Variants in NOS1 observed in about 807,000 individuals in gnomAD.
NOS1 encodes the protein NOS type I.
NOS1 carries 51 observed loss-of-function variants against 164.5 expected under a neutral mutation model. That is an observed-to-expected ratio of 0.31 (90% CI 0.25 to 0.39). The LOEUF is 0.39. NOS1 is among the 10% of genes least tolerant of loss of function. The pLI is 1.00. For synonymous variants in NOS1, 719 were observed against 745.8 expected (o/e 0.96, Z 0.59); for missense variants, 1,362 against 1,885.6 (o/e 0.72, Z 5.14).
intron 1 of NOS1, among the ~76,000 whole-genome samples, chr12:117,352,005 AC>A (rs997531162): frequency 2.0e-5 from 3 of 152,114 alleles, no homozygotes; most frequent in South Asian, 4.2e-4. Flanking sequence ...ACATGGTGAG[AC>A]CCCGTCGCTA....
At position 117,227,546 on chromosome 12, in the gene NOS1, C is replaced by T. The variant is rs1180997892; in HGVS notation, c.3501G>A (p.Leu1167=). The change falls in exon 23 of 29, where the codon CTG becomes CTA. Residue 1167 remains leucine (L), a synonymous_variant. Coordinates refer to ENST00000317775, the MANE Select transcript of NOS1 (RefSeq NM_000620.5). ...EFPSIQMPAT[L]LLTQLSLLQP... ...GCAGCAGGGACAGCTGGGTCAGGAG[C>T]AGGGTGGCCGGCATCTGGATAGATG... The T allele has an allele frequency of 1.2e-6, 2 of 1,613,148 alleles. No homozygotes were observed. The highest frequency in any genetic ancestry group is 8.5e-7 in the Non-Finnish European group (1 of 1,179,532).
rs368153524 is a variant in NOS1, at chr12:117,313,397, C to T, written c.726-1805G>A. On this transcript the variant is annotated intron_variant, in intron 2 of 28. Coordinates refer to ENST00000317775, the MANE Select transcript of NOS1 (RefSeq NM_000620.5). ...GCAGCCTTGACCTCCTAGGCTCGAG[C>T]GATCCTCCCACCTCTGCCCCTCCAG... 1.7e-4 allele frequency among the ~76,000 whole-genome samples: 26 copies of T among 152,150 alleles called. 1 individual carries two copies. In the East Asian group the frequency reaches 4.1e-3, roughly 24 times the overall value.
intron 15 of NOS1, 65 bp downstream of exon 15, chr12:117,258,961 A>G (rs1282959777): frequency 4.3e-6 from 5 of 1,160,772 alleles, no homozygotes; most frequent in African/African-American, 3.0e-5. Context: ...AAGAGTCTCA[A>G]CCTTGGCCCC....
At chr12:117,263,572 T>TTGC (rs1303936253) in intron 13 of NOS1, among the ~76,000 whole-genome samples, 2 of 123,530 alleles carry the variant, frequency 1.6e-5, no homozygotes, top group African/African-American at 6.6e-5. Flanking sequence ...AATCAAGGTA[T>TTGC]TACTATTATT....
intron 28 of NOS1, among the ~76,000 whole-genome samples, chr12:117,215,979 G>A (rs945317705): frequency 6.8e-6 from 1 of 147,762 alleles, no homozygotes; most frequent in African/African-American, 2.5e-5. Context: ...CTAGGTTCAA[G>A]CGATTCCTGT....
chr12:117,341,365 A>G (rs1552228), intron 1 of NOS1, among the ~76,000 whole-genome samples: 15,756 of 152,186 alleles, frequency 0.1, 1,028 homozygotes, highest in Admixed American at 0.19. Flanking sequence ...GTGGTGAGTC[A>G]ACACCACTAG....
At chr12:117,269,781 C>T (rs776197036) in intron 10 of NOS1, among the ~76,000 whole-genome samples, 1 of 152,160 alleles carries the variant, frequency 6.6e-6, no homozygotes, top group Non-Finnish European at 1.5e-5. Context: ...AGCATTTTAA[C>T]AGAGATGTAG....
rs181458952 is a variant in NOS1 at position 117,324,706 on chromosome 12, A to T, written c.725+5639T>A. 2.7e-4 allele frequency among the ~76,000 whole-genome samples: 37 copies of T among 137,936 alleles called. 1 individual carries two copies. The highest frequency in any genetic ancestry group is 5.0e-4 in the African/African-American group (19 of 38,286). The allele number at this position is 137,936 out of a possible 152,430, so 90.5% of individuals were successfully genotyped here. ...ACTCCAGCCTGGGCTACAGAGCAAG[A>T]CTCTGTCTCTAAATAAATAAATAAA... On this transcript the variant is annotated intron_variant, in intron 2 of 28. Transcript: ENST00000317775.
chr12:117,332,196 G>A (rs1018924314), intron 1 of NOS1, among the ~76,000 whole-genome samples: 3 of 152,160 alleles, frequency 2.0e-5, no homozygotes, highest in African/African-American at 4.8e-5. Flanking sequence ...ATGAACATTC[G>A]TTGACTGAAG....
chr12:117,348,373 T>C (rs1876456498), intron 1 of NOS1: 1 of 152,136 alleles, frequency 6.6e-6, no homozygotes. Context: ...TTCAGCATCT[T>C]GGTGCCTCCG....
At position 117,243,308 on chromosome 12, in the gene NOS1, T is replaced by C; in HGVS notation, c.2951A>G (p.Glu984Gly). The C allele has an allele frequency of 6.2e-7, 1 of 1,614,138 alleles. No individual in the cohort carries two copies. The highest frequency in any genetic ancestry group is 8.5e-7 in the Non-Finnish European group (1 of 1,180,014). The change falls in exon 19 of 29, where the codon GAA (glutamate) becomes GGA (glycine). Residue 984 changes from glutamate to glycine, a missense_variant. Glu to Gly is a moderately conservative substitution (Grantham distance 98). Around this residue, in one of 4 missense-constraint regions of NOS1, gnomAD observed 737 missense variants for 1,030.3 expected, o/e 0.72. Coordinates refer to ENST00000317775, the MANE Select transcript of NOS1 (RefSeq NM_000620.5). The surrounding 1 kb of genome is among the most constrained non-coding windows in gnomAD (Gnocchi z 4.3). The part of the protein sequence containing the change: ...FRLTFVAEAP[E>G]LTQGLSNVHK... ...GTGGTGGGAGGTACCTTGTGTGAGT[T>C]CTGGAGCTTCGGCCACAAAGGTGAG...
At position 117,208,492 on chromosome 12, in the gene NOS1, G is replaced by T. The variant is rs1302233605; in HGVS notation, c.*6817C>A. On this transcript the variant is annotated 3_prime_UTR_variant, in exon 29 of 29. Coordinates refer to ENST00000317775, the MANE Select transcript of NOS1 (RefSeq NM_000620.5). ...CGGAACGGACACTGCGACGTGGGGT[G>T]CCCGGCACCGCTCTTTGGGCCTTCT... The T allele has an allele frequency of 4.0e-6, 5 of 1,251,732 alleles. No individual in the cohort carries two copies. Among genetic ancestry groups the T allele is most frequent in the Non-Finnish European group, 4.1e-6 (4 of 966,752 alleles). The allele number at this position is 1,251,732 out of a possible 1,614,324, so 77.5% of individuals were successfully genotyped here. A position where few individuals can be genotyped will look rare whatever the true frequency, so the allele number is the denominator to read the frequency against.
intron 3 of NOS1, among the ~76,000 whole-genome samples, chr12:117,295,658 C>G (rs1211876721): frequency 4.1e-5 from 6 of 146,754 alleles, no homozygotes. Context: ...CACTCTGTCG[C>G]CCAGGCTGAA....
At chr12:117,304,040 C>T (rs530184677) in intron 3 of NOS1, among the ~76,000 whole-genome samples, 1 of 152,188 alleles carries the variant, frequency 6.6e-6, no homozygotes, top group African/African-American at 2.4e-5. Context: ...GGCGTGGCGG[C>T]GTGCGCCTGT....
Position 117,211,919 on chromosome 12 carries a change from G to T in NOS1, c.*3390C>A. 1 of 714,372 alleles carries T rather than the reference G, an allele frequency of 1.4e-6. No individual in the cohort carries two copies. The highest frequency in any genetic ancestry group is 1.7e-6 in the Non-Finnish European group (1 of 582,846). The allele number at this position is 714,372 out of a possible 1,614,324, so 44.3% of individuals were successfully genotyped here. A position where few individuals can be genotyped will look rare whatever the true frequency, so the allele number is the denominator to read the frequency against. ...GACTCTACTAAAAATACAAAACTTA[G>T]CTGGGCGTGGTGGTAGGCGCCTGTA... On this transcript the variant is annotated 3_prime_UTR_variant, in exon 29 of 29. Transcript: ENST00000317775.
intron 1 of NOS1, among the ~76,000 whole-genome samples, chr12:117,339,613 A>G (rs1007339382): frequency 3.9e-5 from 6 of 152,240 alleles, no homozygotes; most frequent in African/African-American, 1.4e-4. Context: ...ATATCAAGAG[A>G]TTGAGAAAAT....
intron 5 of NOS1, among the ~76,000 whole-genome samples, chr12:117,286,765 G>A (rs1240099010): frequency 1.3e-5 from 2 of 152,046 alleles, no homozygotes; most frequent in Non-Finnish European, 2.9e-5. Flanking sequence ...TAGTTTCTTG[G>A]GGAATACTTC....
At chr12:117,287,626 G>A (rs1222629342) in intron 5 of NOS1, among the ~76,000 whole-genome samples, 1 of 152,080 alleles carries the variant, frequency 6.6e-6, no homozygotes, top group African/African-American at 2.4e-5. Context: ...TTTAGTAGAG[G>A]TAAGATTTCA....
chr12:117,339,687 G>T (rs1199521651), intron 1 of NOS1, among the ~76,000 whole-genome samples: 2 of 152,158 alleles, frequency 1.3e-5, no homozygotes, highest in African/African-American at 2.4e-5. Flanking sequence ...ACGGAATTCT[G>T]GGCAGGCATT....
Sources: gnomAD v4.1 joint callset for allele counts (sites outside exome capture counted in the v4.1 genomes callset) on GRCh38, gnomAD v4.1.1 for gene constraint, gnomAD v4.1.1 regional missense constraint, Gnocchi (gnomAD v3.1) non-coding constraint, MANE v1.5 for transcripts, NCBI Gene and HGNC (gene_info 2026-07-23, HGNC 2026-07-21) for gene names.